The following CARD8 variants were observed in gnomAD, a reference collection of about 807,000 sequenced individuals.
CARD8 encodes the protein caspase recruitment domain family member 8.
In CARD8, 38 loss-of-function variants were observed where a neutral mutation model predicts 53.2. The observed-to-expected ratio is 0.71, with a 90% CI of 0.55 to 0.94. The LOEUF (loss-of-function observed/expected upper bound fraction) is 0.94, where lower values mean the gene tolerates loss of function less well. Among genes scored for constraint, CARD8 ranks in the 40% least tolerant of loss-of-function variants. The pLI, the probability that CARD8 is intolerant of heterozygous loss-of-function variation, is 0.00. For missense variants in CARD8, 561 were observed against 655.5 expected (o/e 0.86, Z 1.57); for synonymous variants, 245 against 244.9 (o/e 1.00, Z 0.00).
Position 48,230,812 on chromosome 19 carries a change from G to A in CARD8, c.737C>T (p.Ala246Val), listed in dbSNP as rs748512582. The A allele has an allele frequency of 2.5e-6, 4 of 1,614,164 alleles. No homozygotes were observed. In the Admixed American group the frequency reaches 6.7e-5, roughly 27 times the overall value. Residue 246 changes from alanine to valine, a missense_variant, in exon 9 of 14, where the codon GCC becomes GTC. By Grantham distance (64) the Ala-to-Val change is moderately conservative. Transcript: ENST00000651546. The part of the protein sequence containing the change: ...DVTAEPEEAV[A>V]EIHLPHFISL... Reference sequence around the variant, plus strand: ...GATGAAGTGGGGGAGGTGGATTTCGGCGACAGCCTCCTCTGGCTCTGCAGT... The same window carrying A: ...GATGAAGTGGGGGAGGTGGATTTCGACGACAGCCTCCTCTGGCTCTGCAGT...
chr19:48,231,645 A>G lies in CARD8; in HGVS notation c.542+15T>C. ...TCAGAGTGGTTTTCAAATCATCAGCATCTTCCATTCTTACCTGTATCTGTT... is the reference window on the plus strand; with the variant it reads ...TCAGAGTGGTTTTCAAATCATCAGCGTCTTCCATTCTTACCTGTATCTGTT... On this transcript the variant is annotated intron_variant, in intron 8 of 13. Coordinates refer to ENST00000651546, the MANE Select transcript of CARD8 (RefSeq NM_001184900.3). 6.4e-7 allele frequency: 1 copy of G among 1,573,292 alleles called. No individual in the cohort carries two copies. The highest frequency in any genetic ancestry group is 8.6e-7 in the Non-Finnish European group (1 of 1,160,554).
Position 48,231,811 on chromosome 19 carries a change from C to T in CARD8, c.392-1G>A. The T allele has an allele frequency of 2.5e-6, 4 of 1,613,638 alleles. No individual in the cohort carries two copies. The highest frequency in any genetic ancestry group is 1.1e-5 in the South Asian group (1 of 91,062). On this transcript the variant is annotated splice_acceptor_variant, in intron 7 of 13. Transcript: ENST00000651546. LOFTEE classifies it high-confidence loss of function. ...TGATTCTCTTCTGAGCAAATGTCTC[C>T]TGAAAAGAAAATACTAGACATGTAA...
chr19:48,254,133 A>C (rs2047286683), intron 1 of CARD8, among the ~76,000 whole-genome samples: 1 of 152,208 alleles, frequency 6.6e-6, no homozygotes, highest in African/African-American at 2.4e-5. Flanking sequence ...AGCCAGGTGA[A>C]GTAGTACATG....
At chr19:48,231,628 G>A in intron 8 of CARD8, 32 bp downstream of exon 8, 1 of 1,558,128 alleles carries the variant, frequency 6.4e-7, no homozygotes, top group East Asian at 2.2e-5. Context: ...TATCAGAGTG[G>A]TTTTCAAATC....
chr19:48,235,715 T>C (rs1232503519), intron 5 of CARD8, among the ~76,000 whole-genome samples: 1 of 152,046 alleles, frequency 6.6e-6, no homozygotes, highest in Non-Finnish European at 1.5e-5. Context: ...TATTCCCAAA[T>C]CACTCTCCAC....
At position 48,230,647 on chromosome 19, in the gene CARD8, T is replaced by A. The variant is rs754710410; in HGVS notation, c.826A>T (p.Met276Leu). 6.2e-7 allele frequency: 1 copy of A among 1,613,960 alleles called. No homozygotes were observed. The highest frequency in any genetic ancestry group is 8.5e-7 in the Non-Finnish European group (1 of 1,179,970). Residue 276 changes from methionine (M) to leucine (L), a missense_variant, in exon 10 of 14, where the codon ATG becomes TTG. Physicochemically the swap from Met to Leu is conservative, Grantham distance 15 (BLOSUM62 2). Coordinates refer to ENST00000651546, the MANE Select transcript of CARD8 (RefSeq NM_001184900.3). ...FLVAHFKNEGMVLEHPARVEP... is the reference protein window; with the variant it reads ...FLVAHFKNEGLVLEHPARVEP... Reference sequence around the variant, plus strand: ...ACCCGGGCTGGATGCTCCAGGACCATCCCTTCATTCTTAAAATGGGCAACG... The same window carrying A: ...ACCCGGGCTGGATGCTCCAGGACCAACCCTTCATTCTTAAAATGGGCAACG...
Position 48,211,650 on chromosome 19 carries a change from T to C in CARD8, c.*60A>G. 1 of 1,488,666 alleles carries C rather than the reference T, an allele frequency of 6.7e-7. No individual in the cohort carries two copies. Among genetic ancestry groups the C allele is most frequent in the Non-Finnish European group, 9.2e-7 (1 of 1,084,478 alleles). The allele number at this position is 1,488,666 out of a possible 1,614,324, so 92.2% of individuals were successfully genotyped here. On this transcript the variant is annotated 3_prime_UTR_variant, in exon 14 of 14. Transcript: ENST00000651546. ...ACTGAAATCAATGATCACATTTCTG[T>C]TTATCCATTTCCAATGAGAACGCTG...
At chr19:48,215,510 T>A in intron 12 of CARD8, 126 bp from the exon 13 acceptor site, 1 of 666,746 alleles carries the variant, frequency 1.5e-6, no homozygotes, top group Middle Eastern at 3.7e-4. Context: ...GCTCTTGTTT[T>A]GCACACTAAT....
chr19:48,236,835 C>T (rs559365801), intron 5 of CARD8, among the ~76,000 whole-genome samples: 2 of 151,984 alleles, frequency 1.3e-5, no homozygotes, highest in Non-Finnish European at 2.9e-5. Context: ...AGTGCAATGG[C>T]GTGATCTTGG....
chr19:48,226,331 C>A (rs1261133412), intron 10 of CARD8, among the ~76,000 whole-genome samples: 2 of 152,168 alleles, frequency 1.3e-5, no homozygotes, highest in Non-Finnish European at 2.9e-5. Flanking sequence ...TCAAGCAATT[C>A]TCATGCCTCC....
chr19:48,220,677 G>T (rs545810994), intron 11 of CARD8, among the ~76,000 whole-genome samples: 2 of 152,128 alleles, frequency 1.3e-5, no homozygotes, highest in South Asian at 2.1e-4. Flanking sequence ...ACTTTGGGAG[G>T]CCAAGGTGGG....
intron 3 of CARD8, chr19:48,242,629 G>A (rs1012564406): frequency 6.6e-6 from 1 of 152,200 alleles, no homozygotes; most frequent in Non-Finnish European, 1.5e-5. Flanking sequence ...ACATTTGGGT[G>A]AGTTCCACTT....
Position 48,211,899 on chromosome 19 carries a change from G to C in CARD8, c.1425C>G (p.Leu475=), listed in dbSNP as rs1158113180. Residue 475 remains leucine (L), a synonymous_variant, in exon 14 of 14, where the codon CTC becomes CTG. Coordinates refer to ENST00000651546, the MANE Select transcript of CARD8 (RefSeq NM_001184900.3). ...TCTCAGTAAGAACCTCATTGTCTTG[G>C]AGATCATCGAGCACCCCTTTCAGGT... ...MGDLKGVLDD[L]QDNEVLTENE... The C allele has an allele frequency of 2.5e-6, 4 of 1,613,984 alleles. No individual in the cohort carries two copies. Among genetic ancestry groups the C allele is most frequent in the Non-Finnish European group, 2.5e-6 (3 of 1,179,954 alleles).
intron 10 of CARD8, among the ~76,000 whole-genome samples, chr19:48,222,400 T>C (rs1033264887): frequency 6.6e-6 from 1 of 152,002 alleles, no homozygotes; most frequent in African/African-American, 2.4e-5. Context: ...CTCAAAACTA[T>C]CTCTAAGCAG....
At chr19:48,232,081 A>C in intron 7 of CARD8, 1 of 568,030 alleles carries the variant, frequency 1.8e-6, no homozygotes, top group Non-Finnish European at 3.2e-6. Context: ...CCATTTGCTG[A>C]GGACTGGAAC....
downstream of CARD8, among the ~76,000 whole-genome samples, chr19:48,205,211 G>T (rs1476997995): frequency 6.6e-6 from 1 of 152,090 alleles, no homozygotes; most frequent in African/African-American, 2.4e-5. Flanking sequence ...TTTTATTATG[G>T]AAAGTTTCGG....
chr19:48,251,087 C>CTT (rs2046880241), intron 1 of CARD8, among the ~76,000 whole-genome samples: 1 of 152,168 alleles, frequency 6.6e-6, no homozygotes, highest in Admixed American at 6.5e-5. Context: ...GGAGCCTCAA[C>CTT]TTTTCTCAGA....
Position 48,232,194 on chromosome 19 carries a change from G to A in CARD8, c.391+259C>T, listed in dbSNP as rs144067489. The A allele has an allele frequency of 9.5e-4, 554 of 581,666 alleles. 4 individuals carry two copies. The highest frequency in any genetic ancestry group is 5.2e-3 in the Middle Eastern group (11 of 2,134). The allele number at this position is 581,666 out of a possible 1,614,324, so 36.0% of individuals were successfully genotyped here. ...TATCGAACTCCAAAGATGCAGAGGCGAAAGAGCGTGCATCCTTCCTAGGCC... is the reference window on the plus strand; with the variant it reads ...TATCGAACTCCAAAGATGCAGAGGCAAAAGAGCGTGCATCCTTCCTAGGCC... On this transcript the variant is annotated intron_variant, in intron 7 of 13. Transcript: ENST00000651546.
intron 5 of CARD8, among the ~76,000 whole-genome samples, chr19:48,237,116 A>C (rs2044035328): frequency 1.3e-5 from 2 of 152,030 alleles, no homozygotes; most frequent in Admixed American, 1.3e-4. Flanking sequence ...GGACTGTCTG[A>C]GACTAGGCAA....
Sources: allele counts gnomAD v4.1 joint callset (sites outside exome capture counted in the v4.1 genomes callset), GRCh38; gene constraint gnomAD v4.1.1; transcripts MANE v1.5; gene names NCBI Gene and HGNC (gene_info 2026-07-23, HGNC 2026-07-21).